Variants in ITPR3 observed in about 807,000 individuals in gnomAD.
ITPR3 encodes inositol 1,4,5-trisphosphate-gated calcium channel ITPR3.
ITPR3 carries 173 observed loss-of-function variants against 293.2 expected under a neutral mutation model. That is an observed-to-expected ratio of 0.59 (90% CI 0.52 to 0.67). The LOEUF is 0.67. Among genes scored for constraint, ITPR3 ranks in the 30% least tolerant of loss-of-function variants. ITPR3 has a pLI of 0.00. For missense variants in ITPR3, 2,796 were observed against 3,592.1 expected, an observed-to-expected ratio of 0.78 and a Z score of 5.66; for synonymous variants, 1,295 against 1,444.4, an observed-to-expected ratio of 0.90 and a Z score of 2.35.
intron 3 of ITPR3, among the ~76,000 whole-genome samples, chr6:33,656,977 C>T (rs1319877193): frequency 6.6e-6 from 1 of 152,224 alleles, no homozygotes; most frequent in Non-Finnish European, 1.5e-5. Flanking sequence ...CAACAGGCTT[C>T]CTTCCTGCTG....
intron 17 of ITPR3, 108 bp from the exon 18 acceptor site, chr6:33,668,866 C>T: frequency 7.8e-7 from 1 of 1,279,084 alleles, no homozygotes; most frequent in Non-Finnish European, 1.1e-6. Flanking sequence ...TATGGTCTCT[C>T]TGGGTCCCCG....
In ITPR3 at chr6:33,655,485, C is replaced by G. The variant is rs895650944; in HGVS notation, c.161-281C>G. ...ACATGGCATAAGGGTGAGGCCCCAGCAGCCTCTGGTAAATCTCCTAGGGGA... is the reference window on the plus strand; with the variant it reads ...ACATGGCATAAGGGTGAGGCCCCAGGAGCCTCTGGTAAATCTCCTAGGGGA... On this transcript the variant is annotated intron_variant, in intron 2 of 57. Transcript: ENST00000605930. The surrounding 1 kb of genome is among the most constrained non-coding windows in gnomAD (Gnocchi z 4.9). Among the ~76,000 whole-genome samples the G allele has an allele frequency of 6.6e-6, 1 of 152,212 alleles. No individual in the cohort carries two copies. The highest frequency in any genetic ancestry group is 2.4e-5 in the African/African-American group (1 of 41,456).
At chr6:33,686,331 GGA>G in intron 42 of ITPR3, 76 bp from the exon 43 acceptor site, 2 of 1,595,132 alleles carry the variant, frequency 1.3e-6, no homozygotes, top group Non-Finnish European at 1.7e-6. Flanking sequence ...GCTGGGGCAG[GGA>G]GAGAGGCTGA....
chr6:33,685,679 C>T lies in ITPR3; in HGVS notation c.5519C>T (p.Ser1840Phe). ...VASFSIPGSS[S>F]RYSLGPSLRR... ...TCCTTCTCGATACCTGGCTCCTCAT[C>T]CCGCTACTCGCTGGGCCCCAGCCTG... The change falls in exon 41 of 58, where the codon TCC becomes TTC. Residue 1840 changes from serine to phenylalanine, a missense_variant. Around this residue, in one of 8 missense-constraint regions of ITPR3, gnomAD observed 704 missense variants for 797.5 expected, o/e 0.88. Transcript: ENST00000605930. The T allele has an allele frequency of 6.3e-7, 1 of 1,596,930 alleles. No homozygotes were observed. The highest frequency in any genetic ancestry group is 2.2e-5 in the East Asian group (1 of 44,616).
In ITPR3 at chr6:33,678,490, C is replaced by T. The variant is rs767983423; in HGVS notation, c.3718C>T (p.Pro1240Ser). The T allele has an allele frequency of 3.7e-6, 6 of 1,613,634 alleles. No individual in the cohort carries two copies. In the Admixed American group the frequency reaches 1.0e-4, roughly 27 times the overall value. ...CCTGCAGAAGTTCTGTGCAGGGAACCCCGGCAACCAGGCCCTGCTGCACAA... is the reference window on the plus strand; with the variant it reads ...CCTGCAGAAGTTCTGTGCAGGGAACTCCGGCAACCAGGCCCTGCTGCACAA... ...QFLQKFCAGN[P>S]GNQALLHKHL... The change falls in exon 29 of 58, where the codon CCC (proline) becomes TCC (serine). Residue 1240 changes from proline (P) to serine (S), a missense_variant. Physicochemically the swap from Pro to Ser is moderately conservative, Grantham distance 74. Around this residue, in one of 8 missense-constraint regions of ITPR3, gnomAD observed 344 missense variants for 460.3 expected, o/e 0.75. Transcript: ENST00000605930.
At position 33,667,964 on chromosome 6, in the gene ITPR3, G is replaced by C; in HGVS notation, c.1886G>C (p.Arg629Thr). The C allele has an allele frequency of 6.2e-7, 1 of 1,614,068 alleles. No individual in the cohort carries two copies. ...VSLVRKNREPRFLDYLSDLCV... is the reference protein window; with the variant it reads ...VSLVRKNREPTFLDYLSDLCV... ...CTTGTGCGCAAGAACCGGGAGCCCAGGTGGGCCCGAACCCCCTCCCCGGCC... is the reference window on the plus strand; with the variant it reads ...CTTGTGCGCAAGAACCGGGAGCCCACGTGGGCCCGAACCCCCTCCCCGGCC... The change falls in exon 16 of 58, where the codon AGG (arginine) becomes ACG (threonine). Residue 629 changes from arginine (R) to threonine (T), a missense_variant and splice_region_variant. By Grantham distance (71) the Arg-to-Thr change is moderately conservative. This residue lies in a region of ITPR3 where 955 missense variants were observed against 1,180.8 expected (regional missense o/e 0.81). Transcript: ENST00000605930. This position sits in a 1 kb window ranked among gnomAD's most constrained non-coding sequence, Gnocchi z 4.4.
At chr6:33,688,001 G>A in intron 46 of ITPR3, 56 bp from the exon 47 acceptor site, 7 of 1,409,096 alleles carry the variant, frequency 5.0e-6, no homozygotes, top group Non-Finnish European at 6.9e-6. Flanking sequence ...TGGGGGCTGA[G>A]TGCCAGCCTG....
At position 33,666,398 on chromosome 6, in the gene ITPR3, T is replaced by G. The variant is rs1176526684; in HGVS notation, c.1551+422T>G. Among the ~76,000 whole-genome samples, 1 of 152,092 alleles carries G rather than the reference T, an allele frequency of 6.6e-6. No homozygotes were observed. The highest frequency in any genetic ancestry group is 2.4e-5 in the African/African-American group (1 of 41,338). ...GCCTCACTGTTTTGCTGCCTTGGCT[T>G]TATGTAGCTCGGTTCACACATCCGT... On this transcript the variant is annotated intron_variant, in intron 14 of 57. Coordinates refer to ENST00000605930, the MANE Select transcript of ITPR3 (RefSeq NM_002224.4). The surrounding 1 kb of genome is among the most constrained non-coding windows in gnomAD (Gnocchi z 5.1).
rs560556813 is a variant in ITPR3 at position 33,656,770 on chromosome 6, T to C, written c.282+883T>C. Reference sequence around the variant, plus strand: ...TTGTAGCCTGGGCCCTGGGCCCTGTTGCCCCACCCCTTGTCATACAAACCT... The same window carrying C: ...TTGTAGCCTGGGCCCTGGGCCCTGTCGCCCCACCCCTTGTCATACAAACCT... On this transcript the variant is annotated intron_variant, in intron 3 of 57. Transcript: ENST00000605930. 2.1e-4 allele frequency among the ~76,000 whole-genome samples: 32 copies of C among 152,330 alleles called. No homozygotes were observed. In the South Asian group the frequency reaches 6.6e-3, roughly 32 times the overall value.
intron 22 of ITPR3, among the ~76,000 whole-genome samples, chr6:33,673,118 C>T (rs902560321): frequency 2.0e-5 from 3 of 152,202 alleles, no homozygotes; most frequent in Non-Finnish European, 4.4e-5. Context: ...TGTCTGCAAG[C>T]CCTGCATCCT....
Position 33,684,055 on chromosome 6 carries a change from C to T in ITPR3, c.4824C>T (p.Pro1608=). ...CAGCCCTGGAGGAGCGGCTGAAGCC[C>T]CTGGTACAGGCTGAGCTGTCCGTGC... ...IITALEERLK[P]LVQAELSVLV... is the part of the protein sequence containing the mutation. Residue 1608 remains proline (P), a synonymous_variant, in exon 36 of 58, where the codon CCC becomes CCT. Transcript: ENST00000605930. This position sits in a 1 kb window ranked among gnomAD's most constrained non-coding sequence, Gnocchi z 4.2. 6.2e-7 allele frequency: 1 copy of T among 1,611,408 alleles called. No homozygotes were observed. Among genetic ancestry groups the T allele is most frequent in the Non-Finnish European group, 8.5e-7 (1 of 1,179,880 alleles).
rs1764851358 is a variant in ITPR3 at position 33,674,375 on chromosome 6, C to T, written c.3116+110C>T. On this transcript the variant is annotated intron_variant, in intron 24 of 57. Coordinates refer to ENST00000605930, the MANE Select transcript of ITPR3 (RefSeq NM_002224.4). Reference sequence around the variant, plus strand: ...GGGCTGGCTCTTCCTCTCTGCCATTCCCTCTGCAGACCCTCACCGGGCTTT... The same window carrying T: ...GGGCTGGCTCTTCCTCTCTGCCATTTCCTCTGCAGACCCTCACCGGGCTTT... 5.0e-6 allele frequency: 5 copies of T among 1,001,392 alleles called. No individual in the cohort carries two copies. The Admixed American group carries it at 1.0e-4, about 21-fold the overall frequency. 62.0% of individuals were successfully genotyped at this position (1,001,392 alleles called of 1,614,324 possible).
chr6:33,668,857 A>G, intron 17 of ITPR3, 117 bp from the exon 18 acceptor site: 1 of 1,218,800 alleles, frequency 8.2e-7, no homozygotes, highest in Non-Finnish European at 1.1e-6. Context: ...TGAGATGCAT[A>G]TGGTCTCTCT....
Position 33,677,648 on chromosome 6 carries a change from C to T in ITPR3, c.3648+19C>T, listed in dbSNP as rs1238544207. The T allele has an allele frequency of 2.5e-6, 4 of 1,611,648 alleles. No homozygotes were observed. Among genetic ancestry groups the T allele is most frequent in the Non-Finnish European group, 1.7e-6 (2 of 1,178,478 alleles). On this transcript the variant is annotated intron_variant, in intron 28 of 57. Transcript: ENST00000605930. Reference sequence around the variant, plus strand: ...TGACAAGGTGGCTCTGACTTCTGACCTCTGACTCCCCAGGGTGGCTTCCCC... The same window carrying T: ...TGACAAGGTGGCTCTGACTTCTGACTTCTGACTCCCCAGGGTGGCTTCCCC...
At position 33,638,711 on chromosome 6, in the gene ITPR3, G is replaced by A. The variant is rs1763879688; in HGVS notation, c.90-1773G>A. On this transcript the variant is annotated intron_variant, in intron 1 of 57. Transcript: ENST00000605930. The surrounding 1 kb of genome is among the most constrained non-coding windows in gnomAD (Gnocchi z 4.3). ...TCATTAACACTTTGCATTGTGCAAG[G>A]TGTTAATCATTACAAAGAAAACACA... 6.6e-6 allele frequency among the ~76,000 whole-genome samples: 1 copy of A among 152,224 alleles called. No individual in the cohort carries two copies. Among genetic ancestry groups the A allele is most frequent in the Non-Finnish European group, 1.5e-5 (1 of 68,048 alleles).
rs773179545 is a variant in ITPR3 at position 33,674,276 on chromosome 6, G to T, written c.3116+11G>T. The T allele has an allele frequency of 8.7e-6, 14 of 1,613,566 alleles. No individual in the cohort carries two copies. Among genetic ancestry groups the T allele is most frequent in the Non-Finnish European group, 1.2e-5 (14 of 1,179,794 alleles). ...CATGTTTGGAGTGGGGTGAGGCCAGGGTTGAGCTGCAGGGGTGTGTGGGGT... is the reference window on the plus strand; with the variant it reads ...CATGTTTGGAGTGGGGTGAGGCCAGTGTTGAGCTGCAGGGGTGTGTGGGGT... On this transcript the variant is annotated intron_variant, in intron 24 of 57. Coordinates refer to ENST00000605930, the MANE Select transcript of ITPR3 (RefSeq NM_002224.4).
At position 33,678,417 on chromosome 6, in the gene ITPR3, C is replaced by G. The variant is rs777923700; in HGVS notation, c.3649-4C>G. On this transcript the variant is annotated splice_region_variant and splice_polypyrimidine_tract_variant and intron_variant, in intron 28 of 57. Coordinates refer to ENST00000605930, the MANE Select transcript of ITPR3 (RefSeq NM_002224.4). ...AGCACCCTCTCCCTGACTCCTGTGT[C>G]CAGGGTGATGCCAAGATGATGGAGA... The G allele has an allele frequency of 6.2e-7, 1 of 1,613,400 alleles. No individual in the cohort carries two copies. Among genetic ancestry groups the G allele is most frequent in the Non-Finnish European group, 8.5e-7 (1 of 1,179,796 alleles).
At position 33,658,710 on chromosome 6, in the gene ITPR3, A is replaced by G; in HGVS notation, c.410A>G (p.Lys137Arg). ...MKSNKYLTVNKRLPALLEKNA... is the reference protein window; with the variant it reads ...MKSNKYLTVNRRLPALLEKNA... ...AGCAACAAGTACCTGACAGTGAACA[A>G]GCGGCTTCCGGCCTTGCTGGAGAAG... The change falls in exon 5 of 58, where the codon AAG becomes AGG. Residue 137 changes from lysine to arginine, a missense_variant. This residue lies in a region of ITPR3 where 144 missense variants were observed against 230.8 expected (regional missense o/e 0.62). Transcript: ENST00000605930. The surrounding 1 kb of genome is among the most constrained non-coding windows in gnomAD (Gnocchi z 6.1). 1 of 1,614,196 alleles carries G rather than the reference A, an allele frequency of 6.2e-7. No homozygotes were observed. Among genetic ancestry groups the G allele is most frequent in the Non-Finnish European group, 8.5e-7 (1 of 1,180,022 alleles).
chr6:33,671,022 C>T (rs527718650), intron 20 of ITPR3, 143 bp from the exon 21 acceptor site: 25 of 1,427,580 alleles, frequency 1.8e-5, no homozygotes, highest in African/African-American at 1.4e-4. Context: ...GCTGCCTCTC[C>T]CTGCTCCGCT....
Sources: allele counts gnomAD v4.1 joint callset (sites outside exome capture counted in the v4.1 genomes callset), GRCh38; gene constraint gnomAD v4.1.1; regional missense constraint gnomAD v4.1.1; non-coding constraint Gnocchi (gnomAD v3.1); transcripts MANE v1.5; gene names NCBI Gene and HGNC (gene_info 2026-07-23, HGNC 2026-07-21).